Variants in MCF2L2 observed in about 807,000 individuals in gnomAD.
MCF2L2 encodes the protein probable guanine nucleotide exchange factor MCF2L2.
A neutral mutation model predicts 150.2 loss-of-function variants in MCF2L2; 102 were observed. That is an observed-to-expected ratio of 0.68 (90% CI 0.58 to 0.80). MCF2L2 has a LOEUF of 0.80. Ranked by LOEUF, MCF2L2 falls within the 30% of genes least tolerant of loss-of-function variation. The pLI, the probability that MCF2L2 is intolerant of heterozygous loss-of-function variation, is 0.00. For missense variants in MCF2L2, 1,256 were observed against 1,372.8 expected (o/e 0.91, Z 1.34); for synonymous variants, 465 against 491.3 (o/e 0.95, Z 0.71).
Position 183,296,964 on chromosome 3 carries a change from C to T in MCF2L2, c.1497+12G>A, listed in dbSNP as rs200090594. 3.2e-5 allele frequency: 52 copies of T among 1,609,244 alleles called. No individual in the cohort carries two copies. The highest frequency in any genetic ancestry group is 1.5e-4 in the Admixed American group (9 of 59,694). On this transcript the variant is annotated intron_variant, in intron 12 of 29. Transcript: ENST00000328913. ...TCCCAACCACAGGATCAAAATAACC[C>T]GGAAGCATTACCTTTGCATCGAGGG...
At chr3:183,251,162 T>C (rs1724503882) in intron 15 of MCF2L2, among the ~76,000 whole-genome samples, 4 of 152,164 alleles carry the variant, frequency 2.6e-5, no homozygotes, top group Admixed American at 2.6e-4. Context: ...AATTCACAGA[T>C]TCACTGGACA....
chr3:183,366,335 A>C (rs957545180), intron 3 of MCF2L2, among the ~76,000 whole-genome samples: 2 of 152,148 alleles, frequency 1.3e-5, no homozygotes, highest in African/African-American at 4.8e-5. Flanking sequence ...CAAATGTTCA[A>C]GGTACTGTTA....
At chr3:183,224,276 C>T (rs1723265539) in intron 18 of MCF2L2, 86 bp from the exon 19 acceptor site, 1 of 857,624 alleles carries the variant, frequency 1.2e-6, no homozygotes, top group African/African-American at 1.7e-5. Context: ...ATTCATTCAA[C>T]AAGCCAGAGT....
At chr3:183,331,158 C>T (rs367972184) in intron 5 of MCF2L2, among the ~76,000 whole-genome samples, 2 of 152,318 alleles carry the variant, frequency 1.3e-5, no homozygotes, top group African/African-American at 4.8e-5. Flanking sequence ...TGCCATGTAA[C>T]AAAGAGACAA....
intron 15 of MCF2L2, among the ~76,000 whole-genome samples, chr3:183,268,715 G>A (rs969239708): frequency 1.3e-5 from 2 of 152,048 alleles, no homozygotes; most frequent in Non-Finnish European, 2.9e-5. Flanking sequence ...TAAAGACTTC[G>A]AGTTAAACGG....
At chr3:183,201,728 T>G (rs909120202) in intron 25 of MCF2L2, among the ~76,000 whole-genome samples, 10 of 152,196 alleles carry the variant, frequency 6.6e-5, no homozygotes, top group Admixed American at 6.5e-4. Flanking sequence ...TACTTCCAGT[T>G]TTTGCCCATT....
At chr3:183,306,748 C>A (rs1729118449) in intron 10 of MCF2L2, among the ~76,000 whole-genome samples, 1 of 152,206 alleles carries the variant, frequency 6.6e-6, no homozygotes, top group Non-Finnish European at 1.5e-5. Context: ...GAAAATTTCA[C>A]ACATGTACAC....
chr3:183,192,959 A>G (rs752831103), intron 27 of MCF2L2, 40 bp downstream of exon 27: 204 of 1,488,264 alleles, frequency 1.4e-4, no homozygotes, highest in Non-Finnish European at 7.7e-5. Context: ...GCATCACCCC[A>G]CTGCTTCTGT....
rs779359089 is a variant in MCF2L2 at position 183,219,944 on chromosome 3, T to C, written c.2302-20A>G. The C allele has an allele frequency of 1.4e-5, 22 of 1,582,482 alleles. No homozygotes were observed. Among genetic ancestry groups the C allele is most frequent in the Non-Finnish European group, 1.8e-5 (21 of 1,154,242 alleles). The stretch of plus-strand genomic sequence containing the variant: ...CAGACCCTGCATTAACCCAAAAGTC[T>C]TGTTGAAAATTAAAATGTACATTGC... On this transcript the variant is annotated intron_variant, in intron 20 of 29. Transcript: ENST00000328913.
chr3:183,338,702 T>G (rs528480308), intron 5 of MCF2L2, 98 bp downstream of exon 5: 489 of 1,288,746 alleles, frequency 3.8e-4, no homozygotes, highest in Non-Finnish European at 4.2e-4. Flanking sequence ...TTTCTCCCTC[T>G]CTACCTGTTG....
intron 7 of MCF2L2, among the ~76,000 whole-genome samples, chr3:183,317,847 C>T (rs1729661898): frequency 6.6e-6 from 1 of 152,034 alleles, no homozygotes; most frequent in African/African-American, 2.4e-5. Flanking sequence ...AAGACTCACT[C>T]ACCACCCAGT....
intron 13 of MCF2L2, among the ~76,000 whole-genome samples, chr3:183,294,708 A>G (rs1293560086): frequency 6.7e-6 from 1 of 149,394 alleles, no homozygotes; most frequent in Non-Finnish European, 1.5e-5. Flanking sequence ...CGCTAACTGC[A>G]AGCTCTGCCT....
At chr3:183,354,914 G>A (rs551699132) in intron 3 of MCF2L2, among the ~76,000 whole-genome samples, 6 of 152,186 alleles carry the variant, frequency 3.9e-5, no homozygotes, top group South Asian at 2.1e-4. Context: ...CATGCAAAGG[G>A]AATAAATCCA....
chr3:183,320,385 G>A (rs1298036912), intron 6 of MCF2L2, among the ~76,000 whole-genome samples: 3 of 151,986 alleles, frequency 2.0e-5, no homozygotes, highest in Non-Finnish European at 2.9e-5. Context: ...GAGCCACTGC[G>A]CCGAGCCGAG....
chr3:183,281,698 G>A (rs988298271), intron 14 of MCF2L2, among the ~76,000 whole-genome samples: 1 of 152,054 alleles, frequency 6.6e-6, no homozygotes, highest in Admixed American at 6.6e-5. Context: ...TTGGGAGGGC[G>A]ATTCCTGGAG....
intron 15 of MCF2L2, among the ~76,000 whole-genome samples, chr3:183,258,979 C>A (rs549700818): frequency 6.6e-6 from 1 of 152,174 alleles, no homozygotes; most frequent in African/African-American, 2.4e-5. Context: ...TTGTTTAGTG[C>A]ATAATGACAA....
chr3:183,257,958 C>CTTTTTTTTTTTTTTTTT lies in MCF2L2; in HGVS notation c.1862+18897_1862+18913dup, dbSNP rs35323502. ...TATTCCTTGCTCCCTCCACTTCACCCTTTTTTTTTTTTTTTTTTTTTTTTT... is the reference window on the plus strand; with the variant it reads ...TATTCCTTGCTCCCTCCACTTCACCCTTTTTTTTTTTTTTTTTTTTTTTTTTTTTTTTTTTTTTTTTT... On this transcript the variant is annotated intron_variant, in intron 15 of 29. Coordinates refer to ENST00000328913, the MANE Select transcript of MCF2L2 (RefSeq NM_015078.4). Among the ~76,000 whole-genome samples, 11 of 64,744 alleles carry CTTTTTTTTTTTTTTTTT rather than the reference C, an allele frequency of 1.7e-4. 1 individual carries two copies. The highest frequency in any genetic ancestry group is 4.9e-4 in the African/African-American group (7 of 14,400). 42.5% of individuals were successfully genotyped at this position (64,744 alleles called of 152,430 possible). A position where few individuals can be genotyped will look rare whatever the true frequency, so the allele number is the denominator to read the frequency against.
At chr3:183,340,406 A>T (rs1342734375) in intron 4 of MCF2L2, among the ~76,000 whole-genome samples, 1 of 152,154 alleles carries the variant, frequency 6.6e-6, no homozygotes, top group Non-Finnish European at 1.5e-5. Flanking sequence ...ATGCTCAGGT[A>T]AAAATGCTGA....
At chr3:183,269,230 C>T (rs200660915) in intron 15 of MCF2L2, among the ~76,000 whole-genome samples, 94 of 80,952 alleles carry the variant, frequency 1.2e-3, no homozygotes, top group African/African-American at 2.5e-3. Flanking sequence ...GTTTGGGAAG[C>T]TTTTTTTTTT....
Sources: gnomAD v4.1 joint callset for allele counts (sites outside exome capture counted in the v4.1 genomes callset) on GRCh38, gnomAD v4.1.1 for gene constraint, MANE v1.5 for transcripts, NCBI Gene and HGNC (gene_info 2026-07-23, HGNC 2026-07-21) for gene names.